COG5: variants seen among roughly 807,000 people sequenced by gnomAD.
COG5 encodes conserved oligomeric Golgi complex subunit 5.
A neutral mutation model predicts 110.4 loss-of-function variants in COG5; 86 were observed. The ratio of observed to expected loss-of-function variants is 0.78; its 90% confidence interval spans 0.65 to 0.93. COG5 has a LOEUF of 0.93. Ranked by LOEUF, COG5 falls within the 40% of genes least tolerant of loss-of-function variation. The pLI is 0.00. For missense variants in COG5, 1,077 were observed against 987.0 expected, an observed-to-expected ratio of 1.09 and a Z score of -1.22; for synonymous variants, 360 against 334.6, an observed-to-expected ratio of 1.08 and a Z score of -0.83.
intron 5 of COG5, among the ~76,000 whole-genome samples, chr7:107,534,510 G>A (rs911572270): frequency 6.6e-6 from 1 of 150,778 alleles, no homozygotes; most frequent in Non-Finnish European, 1.5e-5. Flanking sequence ...AAAAAGTGGG[G>A]GTTGCAATCC....
At chr7:107,537,457 G>A (rs534185173) in intron 5 of COG5, among the ~76,000 whole-genome samples, 11 of 152,242 alleles carry the variant, frequency 7.2e-5, no homozygotes, top group Non-Finnish European at 1.2e-4. Context: ...GATGAAGCTG[G>A]AAACCATCAT....
intron 14 of COG5, among the ~76,000 whole-genome samples, chr7:107,262,738 T>C (rs1803459272): frequency 6.6e-6 from 1 of 152,176 alleles, no homozygotes; most frequent in Non-Finnish European, 1.5e-5. Flanking sequence ...TTATTCTCAG[T>C]TGATGACTTT....
chr7:107,548,197 G>A lies in COG5; in HGVS notation c.348-17C>T. 3.1e-6 allele frequency: 5 copies of A among 1,610,724 alleles called. No individual in the cohort carries two copies. The highest frequency in any genetic ancestry group is 4.2e-6 in the Non-Finnish European group (5 of 1,176,990). On this transcript the variant is annotated splice_polypyrimidine_tract_variant and intron_variant, in intron 4 of 21. Coordinates refer to ENST00000297135, the MANE Select transcript of COG5 (RefSeq NM_006348.5). ...GCTTTTATCCTACAGGAAAAGAGAG[G>A]AGTGAGAATAAAATCATTTTCAGAA...
At chr7:107,243,340 C>T (rs1002160267) in intron 17 of COG5, among the ~76,000 whole-genome samples, 2 of 151,590 alleles carry the variant, frequency 1.3e-5, no homozygotes, top group Non-Finnish European at 2.9e-5. Flanking sequence ...GGTGAAACCC[C>T]GTCTCTACTA....
intron 6 of COG5, among the ~76,000 whole-genome samples, chr7:107,430,889 T>C (rs1330933674): frequency 6.6e-6 from 1 of 151,836 alleles, no homozygotes; most frequent in East Asian, 1.9e-4. Context: ...ATAGAGGCAG[T>C]GGGAGATTTG....
chr7:107,556,665 G>A (rs1402686062), intron 2 of COG5, among the ~76,000 whole-genome samples: 1 of 149,696 alleles, frequency 6.7e-6, no homozygotes, highest in African/African-American at 2.5e-5. Context: ...ATTTCTGTCT[G>A]TGTCTGCCAC....
intron 17 of COG5, among the ~76,000 whole-genome samples, chr7:107,247,323 C>T (rs1446084327): frequency 2.0e-5 from 3 of 152,204 alleles, no homozygotes; most frequent in East Asian, 1.9e-4. Flanking sequence ...CTCCATGACA[C>T]GTGTTTACCT....
chr7:107,511,904 T>C (rs540277123), intron 6 of COG5, among the ~76,000 whole-genome samples: 2 of 152,272 alleles, frequency 1.3e-5, no homozygotes, highest in South Asian at 4.1e-4. Context: ...CTCAAAATAA[T>C]AAGAGCTATC....
chr7:107,371,368 T>C (rs1019127534), intron 8 of COG5, among the ~76,000 whole-genome samples: 2 of 152,094 alleles, frequency 1.3e-5, no homozygotes, highest in Non-Finnish European at 1.5e-5. Flanking sequence ...GGAAAGAGGA[T>C]TGCTTGAGGC....
intron 6 of COG5, among the ~76,000 whole-genome samples, chr7:107,463,619 T>G (rs2129102649): frequency 6.6e-6 from 1 of 152,260 alleles, no homozygotes; most frequent in African/African-American, 2.4e-5. Flanking sequence ...CATCTACATT[T>G]TAGCTTTTTA....
At chr7:107,558,471 G>A (rs567159106) in intron 1 of COG5, among the ~76,000 whole-genome samples, 2 of 152,194 alleles carry the variant, frequency 1.3e-5, no homozygotes, top group East Asian at 3.9e-4. Context: ...GGGCATCATG[G>A]CGGGTGCCTG....
intron 7 of COG5, 58 bp from the exon 8 acceptor site, chr7:107,372,818 A>C: frequency 6.5e-7 from 1 of 1,539,398 alleles, no homozygotes; most frequent in Non-Finnish European, 8.9e-7. Flanking sequence ...AAACAAAATC[A>C]ACATAAATAT....
At chr7:107,321,833 G>A (rs1809319212) in intron 11 of COG5, among the ~76,000 whole-genome samples, 1 of 152,106 alleles carries the variant, frequency 6.6e-6, no homozygotes, top group Admixed American at 6.6e-5. Context: ...TCAAAAAAAA[G>A]TACAAATTAT....
intron 10 of COG5, among the ~76,000 whole-genome samples, chr7:107,338,445 C>T (rs1446663304): frequency 6.6e-6 from 1 of 152,000 alleles, no homozygotes; most frequent in Non-Finnish European, 1.5e-5. Flanking sequence ...GATATACATA[C>T]ACATGCAAAG....
intron 6 of COG5, among the ~76,000 whole-genome samples, chr7:107,496,772 A>G (rs1005987386): frequency 1.3e-5 from 2 of 152,062 alleles, no homozygotes; most frequent in Non-Finnish European, 2.9e-5. Context: ...GAGCACCCCA[A>G]CTCAACACCA....
intron 10 of COG5, among the ~76,000 whole-genome samples, chr7:107,336,233 T>G (rs1810687572): frequency 6.6e-6 from 1 of 152,182 alleles, no homozygotes. Context: ...AAGAGTGAAA[T>G]CCTTTCATTT....
chr7:107,225,988 A>C (rs930075989), intron 19 of COG5, among the ~76,000 whole-genome samples: 1 of 152,114 alleles, frequency 6.6e-6, no homozygotes, highest in African/African-American at 2.4e-5. Flanking sequence ...GGTTGCAGTG[A>C]ACCATGATCA....
chr7:107,380,448 C>T (rs1171760370), intron 7 of COG5, among the ~76,000 whole-genome samples: 1 of 152,006 alleles, frequency 6.6e-6, no homozygotes, highest in Non-Finnish European at 1.5e-5. Context: ...AAAGAAGAAT[C>T]AATTAGACAC....
intron 6 of COG5, among the ~76,000 whole-genome samples, chr7:107,506,064 T>C (rs1227332733): frequency 2.6e-5 from 4 of 152,168 alleles, no homozygotes; most frequent in African/African-American, 4.8e-5. Flanking sequence ...GTTGTAGTAG[T>C]AATGAAAAGG....
Sources: gnomAD v4.1 joint callset for allele counts (sites outside exome capture counted in the v4.1 genomes callset) on GRCh38, gnomAD v4.1.1 for gene constraint, MANE v1.5 for transcripts, NCBI Gene and HGNC (gene_info 2026-07-23, HGNC 2026-07-21) for gene names.